The following EZH2 variants were observed in gnomAD, a reference collection of about 807,000 sequenced individuals.
EZH2 encodes histone-lysine N-methyltransferase EZH2.
A neutral mutation model predicts 98.4 loss-of-function variants in EZH2; 18 were observed. The ratio of observed to expected loss-of-function variants is 0.18; its 90% CI spans 0.13 to 0.27. The LOEUF (loss-of-function observed/expected upper bound fraction) is 0.27. Among genes scored for constraint, EZH2 ranks in the 10% least tolerant of loss-of-function variants. EZH2 has a pLI of 1.00. For missense variants in EZH2, 470 were observed against 935.1 expected (o/e 0.50, Z 6.49); for synonymous variants, 338 against 312.3 (o/e 1.08, Z -0.87).
intron 12 of EZH2, among the ~76,000 whole-genome samples, chr7:148,816,361 G>T (rs1197672479): frequency 1.3e-5 from 2 of 152,208 alleles, no homozygotes; most frequent in Non-Finnish European, 2.9e-5. Flanking sequence ...CAGAAACACA[G>T]AACATTTCAT....
chr7:148,809,198 C>T (rs1024833223), intron 18 of EZH2, 43 bp from the exon 19 acceptor site: 1 of 1,596,024 alleles, frequency 6.3e-7, no homozygotes, highest in Non-Finnish European at 8.6e-7. Flanking sequence ...GAAGACGGGC[C>T]ACGGGGGGTT....
rs1033130011 is a variant in EZH2 at position 148,832,769 on chromosome 7, A to T, written c.247-19T>A. ...CCGAACACTAAAACAGAAAAAATAA[A>T]ATTGACTCTTAAGAATAAAAGGACA... On this transcript the variant is annotated intron_variant, in intron 3 of 19. Coordinates refer to ENST00000320356, the MANE Select transcript of EZH2 (RefSeq NM_004456.5). 1 of 1,483,444 alleles carries T rather than the reference A, an allele frequency of 6.7e-7. No individual in the cohort carries two copies. The highest frequency in any genetic ancestry group is 9.4e-7 in the Non-Finnish European group (1 of 1,068,420). The allele number at this position is 1,483,444 out of a possible 1,614,324, so 91.9% of individuals were successfully genotyped here.
chr7:148,868,812 G>C (rs377731316), intron 1 of EZH2, among the ~76,000 whole-genome samples: 30 of 152,080 alleles, frequency 2.0e-4, no homozygotes, highest in Admixed American at 3.9e-4. Flanking sequence ...AGCCCTAATG[G>C]GTAAAAGACT....
chr7:148,844,152 T>C (rs1212762439), intron 3 of EZH2, among the ~76,000 whole-genome samples: 1 of 152,218 alleles, frequency 6.6e-6, no homozygotes, highest in Non-Finnish European at 1.5e-5. Context: ...GAATCACTTT[T>C]ATTTTCTCCT....
At chr7:148,860,563 C>T (rs1301909961) in intron 1 of EZH2, among the ~76,000 whole-genome samples, 2 of 152,134 alleles carry the variant, frequency 1.3e-5, no homozygotes, top group African/African-American at 4.8e-5. Context: ...ACCATTAACA[C>T]CATTCTTCAG....
rs1239762109 is a variant in EZH2 at position 148,858,227 on chromosome 7, G to A, written c.-7-10922C>T. Among the ~76,000 whole-genome samples, 4 of 152,024 alleles carry A rather than the reference G, an allele frequency of 2.6e-5. No individual in the cohort carries two copies. The South Asian group carries it at 8.3e-4, about 32-fold the overall frequency. ...GAATGGCGTGAACCCGGGAGGCAGAGCTTGCAATGAGCCTAGATAGCGCCA... is the reference window on the plus strand; with the variant it reads ...GAATGGCGTGAACCCGGGAGGCAGAACTTGCAATGAGCCTAGATAGCGCCA... On this transcript the variant is annotated intron_variant, in intron 1 of 19. Coordinates refer to ENST00000320356, the MANE Select transcript of EZH2 (RefSeq NM_004456.5).
chr7:148,834,863 T>A (rs1404246109), intron 3 of EZH2, among the ~76,000 whole-genome samples: 1 of 152,202 alleles, frequency 6.6e-6, no homozygotes, highest in Non-Finnish European at 1.5e-5. Context: ...AGTGCTTGTA[T>A]ATATTATCTT....
chr7:148,833,254 C>T (rs1208402533), intron 3 of EZH2, among the ~76,000 whole-genome samples: 4 of 151,874 alleles, frequency 2.6e-5, no homozygotes, highest in East Asian at 1.9e-4. Context: ...GTCAGGAGAT[C>T]GAGACCATCC....
At chr7:148,853,974 G>A (rs1456396874) in intron 1 of EZH2, among the ~76,000 whole-genome samples, 1 of 152,146 alleles carries the variant, frequency 6.6e-6, no homozygotes, top group Non-Finnish European at 1.5e-5. Flanking sequence ...TACCTCTCAG[G>A]TGGCCAGGCC....
At chr7:148,844,586 T>C (rs544652363) in intron 3 of EZH2, among the ~76,000 whole-genome samples, 8 of 152,306 alleles carry the variant, frequency 5.3e-5, no homozygotes, top group Admixed American at 4.6e-4. Context: ...AAAATGTTTA[T>C]TCTCAATCTG....
chr7:148,814,427 G>A (rs558366176), intron 14 of EZH2, among the ~76,000 whole-genome samples: 3 of 152,234 alleles, frequency 2.0e-5, no homozygotes, highest in African/African-American at 7.2e-5. Flanking sequence ...CATGGTCCTT[G>A]ACCATTCCAA....
intron 1 of EZH2, among the ~76,000 whole-genome samples, chr7:148,872,912 G>C (rs1819623007): frequency 6.6e-6 from 1 of 152,038 alleles, no homozygotes; most frequent in Admixed American, 6.6e-5. Context: ...ATGCAGCTGA[G>C]GGATAAAGAT....
chr7:148,810,447 G>A, intron 16 of EZH2, 33 bp from the exon 17 acceptor site: 2 of 1,440,400 alleles, frequency 1.4e-6, no homozygotes, highest in South Asian at 2.3e-5. Flanking sequence ...AAATTCTTTT[G>A]GATAAAGGTG....
At chr7:148,828,659 A>C in intron 6 of EZH2, 81 bp downstream of exon 6, 1 of 1,478,190 alleles carries the variant, frequency 6.8e-7, no homozygotes, top group African/African-American at 1.4e-5. Context: ...GAAAGAAGAA[A>C]CTAAGCCCTA....
At chr7:148,852,209 A>C (rs183652359) in intron 1 of EZH2, among the ~76,000 whole-genome samples, 13 of 152,350 alleles carry the variant, frequency 8.5e-5, no homozygotes, top group African/African-American at 3.1e-4. Flanking sequence ...GTGACACCTC[A>C]CAGATTTACA....
At chr7:148,835,380 C>T (rs1810611858) in intron 3 of EZH2, among the ~76,000 whole-genome samples, 1 of 149,090 alleles carries the variant, frequency 6.7e-6, no homozygotes, top group Non-Finnish European at 1.5e-5. Context: ...TTGTGATCAG[C>T]ACCACTGCAC....
chr7:148,810,551 T>C (rs903174543), intron 16 of EZH2, 137 bp from the exon 17 acceptor site: 1 of 550,052 alleles, frequency 1.8e-6, no homozygotes, highest in East Asian at 2.8e-5. Flanking sequence ...CCAAGTTCTC[T>C]TTCCCATTCG....
At chr7:148,814,838 A>C in intron 14 of EZH2, 76 bp downstream of exon 14, 2 of 1,522,198 alleles carry the variant, frequency 1.3e-6, no homozygotes, top group Non-Finnish European at 1.8e-6. Context: ...CCATGTTCTT[A>C]TTTTTGATTT....
chr7:148,820,699 TACA>T (rs1244638410), intron 8 of EZH2, among the ~76,000 whole-genome samples: 1 of 152,208 alleles, frequency 6.6e-6, no homozygotes, highest in African/African-American at 2.4e-5. Context: ...GGAACCCTAA[TACA>T]ACTGTTTTTC....
Sources: allele counts gnomAD v4.1 joint callset (sites outside exome capture counted in the v4.1 genomes callset), GRCh38; gene constraint gnomAD v4.1.1; transcripts MANE v1.5; gene names NCBI Gene and HGNC (gene_info 2026-07-23, HGNC 2026-07-21).